Variants in EFL1 observed in about 807,000 individuals in gnomAD.
EFL1 encodes the protein elongation factor like GTPase 1.
EFL1 carries 76 observed loss-of-function variants against 126.7 expected under a neutral mutation model. That is an observed-to-expected ratio of 0.60 (90% CI 0.50 to 0.73). EFL1 has a LOEUF of 0.73. Ranked by LOEUF, EFL1 falls within the 30% of genes least tolerant of loss-of-function variation. The pLI is 0.00. For synonymous variants in EFL1, 410 were observed against 448.4 expected, an observed-to-expected ratio of 0.91 and a Z score of 1.08; for missense variants, 1,128 against 1,343.2, an observed-to-expected ratio of 0.84 and a Z score of 2.50.
chr15:82,262,454 C>T (rs570685600), intron 1 of EFL1, 160 bp downstream of exon 1: 6 of 188,886 alleles, frequency 3.2e-5, no homozygotes, highest in Admixed American at 6.4e-5. Context: ...GCGACCGCCC[C>T]GGCCCCAGAC....
intron 15 of EFL1, among the ~76,000 whole-genome samples, chr15:82,165,555 G>C (rs8032033): frequency 0.45 from 68,751 of 151,994 alleles, 18,217 homozygotes; most frequent in African/African-American, 0.74. Context: ...GAATATCTAC[G>C]GTCTGACAGC....
intron 16 of EFL1, 35 bp from the exon 17 acceptor site, chr15:82,157,895 A>G (rs753120805): frequency 6.3e-7 from 1 of 1,594,102 alleles, no homozygotes; most frequent in Non-Finnish European, 8.6e-7. Context: ...TAAATATGAT[A>G]TAAGAACTAA....
At chr15:82,209,328 C>CAG (rs2074560018) in intron 15 of EFL1, among the ~76,000 whole-genome samples, 1 of 75,658 alleles carries the variant, frequency 1.3e-5, no homozygotes, top group Non-Finnish European at 2.9e-5. Context: ...CACACACACA[C>CAG]ACACACACAC....
rs1168122524 is a variant in EFL1 at position 82,151,853 on chromosome 15, A to G, written c.2601T>C (p.Asn867=). 8.7e-6 allele frequency: 14 copies of G among 1,614,058 alleles called. No individual in the cohort carries two copies. Among genetic ancestry groups the G allele is most frequent in the South Asian group, 1.1e-5 (1 of 91,068 alleles). Residue 867 remains asparagine (N), a synonymous_variant, in exon 18 of 20, where the codon AAT becomes AAC. Transcript: ENST00000268206. The stretch of plus-strand genomic sequence containing the variant: ...CTAGTTGGAAGCCACTCACAATGCT[A>G]TTGCCCAAATCTCGGTATCTACTGG... The part of the protein sequence containing the change: ...KEASRYRDLG[N]SIVSGFQLAT...
At chr15:82,139,821 T>C (rs941841106) in intron 18 of EFL1, among the ~76,000 whole-genome samples, 3 of 152,222 alleles carry the variant, frequency 2.0e-5, no homozygotes, top group African/African-American at 7.2e-5. Context: ...TTGACCACCA[T>C]TGAGTCCTGG....
Position 82,261,166 on chromosome 15 carries a change from C to G in EFL1, c.91+522G>C, listed in dbSNP as rs115183249. Among the ~76,000 whole-genome samples the G allele has an allele frequency of 6.6e-3, 1,006 of 152,100 alleles. 10 individuals carry two copies. The highest frequency in any genetic ancestry group is 0.023 in the African/African-American group (941 of 41,480). ...TTATGTTGTGAGGTCTTTTCCTAAC[C>G]CCTCACTTCCTAATCCTCTAGTTCT... is the stretch of plus-strand genomic sequence containing the variant. On this transcript the variant is annotated intron_variant, in intron 2 of 19. Coordinates refer to ENST00000268206, the MANE Select transcript of EFL1 (RefSeq NM_024580.6).
At chr15:82,192,444 G>A (rs1164677655) in intron 15 of EFL1, among the ~76,000 whole-genome samples, 1 of 151,192 alleles carries the variant, frequency 6.6e-6, no homozygotes, top group Non-Finnish European at 1.5e-5. Flanking sequence ...AGTAAAATGA[G>A]GTGTTTTGAA....
Position 82,219,790 on chromosome 15 carries a change from G to A in EFL1, c.1473C>T (p.Thr491=). 1 of 1,610,392 alleles carries A rather than the reference G, an allele frequency of 6.2e-7. No individual in the cohort carries two copies. The highest frequency in any genetic ancestry group is 8.5e-7 in the Non-Finnish European group (1 of 1,179,126). ...RGDEQQVESM[T]PKPVLQEENN... ...TTTCTTCCTGGAGCACAGGTTTAGG[G>A]GTCATACTTTCCACCTGTTGCTCGT... Residue 491 remains threonine, a synonymous_variant, in exon 14 of 20, where the codon ACC becomes ACT. Coordinates refer to ENST00000268206, the MANE Select transcript of EFL1 (RefSeq NM_024580.6).
At chr15:82,240,370 C>T (rs1163749633) in intron 6 of EFL1, 48 bp downstream of exon 6, 1 of 1,533,214 alleles carries the variant, frequency 6.5e-7, no homozygotes, top group Non-Finnish European at 8.8e-7. Flanking sequence ...AACTTCCTTA[C>T]AACTCTTCTT....
At chr15:82,203,313 T>G (rs2141284038) in intron 15 of EFL1, among the ~76,000 whole-genome samples, 1 of 152,336 alleles carries the variant, frequency 6.6e-6, no homozygotes, top group Middle Eastern at 3.4e-3. Flanking sequence ...GTGCATTTAT[T>G]TATTTTTTAT....
At chr15:82,156,188 C>T (rs914461160) in intron 17 of EFL1, among the ~76,000 whole-genome samples, 2 of 152,236 alleles carry the variant, frequency 1.3e-5, no homozygotes, top group African/African-American at 4.8e-5. Context: ...TTTTAACCAA[C>T]AACTCACCTG....
chr15:82,147,755 T>G (rs975470138), intron 18 of EFL1, among the ~76,000 whole-genome samples: 1 of 151,206 alleles, frequency 6.6e-6, no homozygotes, highest in African/African-American at 2.4e-5. Flanking sequence ...TGCAGAGTAA[T>G]GAGAGTCTAA....
chr15:82,207,912 G>T (rs1254905483), intron 15 of EFL1, among the ~76,000 whole-genome samples: 1 of 151,962 alleles, frequency 6.6e-6, no homozygotes, highest in South Asian at 2.1e-4. Context: ...GTAGAGATGG[G>T]GTTTCACCAT....
chr15:82,195,180 G>A (rs970291079), intron 15 of EFL1, among the ~76,000 whole-genome samples: 11 of 152,132 alleles, frequency 7.2e-5, no homozygotes, highest in Admixed American at 3.3e-4. Context: ...TTTTTCAAAT[G>A]TATTATCCAA....
At chr15:82,200,869 A>G (rs1440447263) in intron 15 of EFL1, among the ~76,000 whole-genome samples, 1 of 152,118 alleles carries the variant, frequency 6.6e-6, no homozygotes, top group Non-Finnish European at 1.5e-5. Context: ...TATACTTTCT[A>G]TCTCCCTTAT....
intron 3 of EFL1, 106 bp from the exon 4 acceptor site, chr15:82,252,881 A>G: frequency 4.0e-6 from 3 of 756,274 alleles, no homozygotes; most frequent in Middle Eastern, 3.4e-4. Flanking sequence ...TTAATTTGTT[A>G]TTTTTATTTA....
At chr15:82,216,382 A>G (rs1040267135) in intron 14 of EFL1, among the ~76,000 whole-genome samples, 4 of 152,192 alleles carry the variant, frequency 2.6e-5, no homozygotes, top group African/African-American at 9.6e-5. Flanking sequence ...AGCTGACCAT[A>G]AACTTGATAT....
At chr15:82,219,169 C>T (rs1338527339) in intron 14 of EFL1, among the ~76,000 whole-genome samples, 2 of 152,214 alleles carry the variant, frequency 1.3e-5, no homozygotes, top group East Asian at 3.8e-4. Flanking sequence ...CGCCCCTTGG[C>T]TCAGGCATTT....
At chr15:82,159,149 G>GT (rs2073996898) in intron 16 of EFL1, among the ~76,000 whole-genome samples, 1 of 129,118 alleles carries the variant, frequency 7.7e-6, no homozygotes, top group Admixed American at 7.1e-5. Context: ...TTGGCATACT[G>GT]TAATTTTTTT....
Sources: allele counts gnomAD v4.1 joint callset (sites outside exome capture counted in the v4.1 genomes callset), GRCh38; gene constraint gnomAD v4.1.1; transcripts MANE v1.5; gene names NCBI Gene and HGNC (gene_info 2026-07-23, HGNC 2026-07-21).